Variants in CTNNA2 observed in about 807,000 individuals in gnomAD.
CTNNA2 encodes the protein catenin alpha 2.
In CTNNA2, 42 loss-of-function variants were observed where a neutral mutation model predicts 101.0. The ratio of observed to expected loss-of-function variants is 0.42; its 90% CI spans 0.32 to 0.54. CTNNA2 has a LOEUF of 0.54. Among genes scored for constraint, CTNNA2 ranks in the 20% least tolerant of loss-of-function variants. The pLI is 0.14. For missense variants in CTNNA2, 871 were observed against 1,223.1 expected (o/e 0.71, Z 4.29); for synonymous variants, 450 against 456.4 (o/e 0.99, Z 0.18).
chr2:79,341,966 C>A (rs1677148312), intron 3 of CTNNA2, among the ~76,000 whole-genome samples: 1 of 152,172 alleles, frequency 6.6e-6, no homozygotes, highest in South Asian at 2.1e-4. Context: ...AGATAAGGTA[C>A]AATCTCAGAC....
chr2:80,517,349 G>A (rs1286014924), intron 9 of CTNNA2, among the ~76,000 whole-genome samples: 2 of 152,202 alleles, frequency 1.3e-5, no homozygotes, highest in Admixed American at 6.5e-5. Context: ...ACCACGGATG[G>A]ATTTGCTCAG....
chr2:80,433,513 G>A (rs766800702), intron 9 of CTNNA2, among the ~76,000 whole-genome samples: 1 of 151,960 alleles, frequency 6.6e-6, no homozygotes, highest in Non-Finnish European at 1.5e-5. Context: ...GGCTGTCGCC[G>A]CAGGGTCAAA....
chr2:80,125,930 G>A lies in CTNNA2; in HGVS notation c.1056+216133G>A, dbSNP rs538096946. Among the ~76,000 whole-genome samples, 196 of 152,252 alleles carry A rather than the reference G, an allele frequency of 1.3e-3. 1 individual carries two copies. Among genetic ancestry groups the A allele is most frequent in the Non-Finnish European group, 2.0e-3 (133 of 68,022 alleles). ...TACTTTTCTGCAGAATGGGAATACCGAAGCACCTGGTTCACTTTTGTAAAG... is the reference window on the plus strand; with the variant it reads ...TACTTTTCTGCAGAATGGGAATACCAAAGCACCTGGTTCACTTTTGTAAAG... On this transcript the variant is annotated intron_variant, in intron 7 of 18. Coordinates refer to ENST00000402739, the MANE Select transcript of CTNNA2 (RefSeq NM_001282597.3).
At chr2:79,724,270 A>G (rs1377746443) in intron 2 of CTNNA2, among the ~76,000 whole-genome samples, 2 of 151,334 alleles carry the variant, frequency 1.3e-5, no homozygotes, top group Non-Finnish European at 1.5e-5. Flanking sequence ...CACCTTTGGG[A>G]AAAAAACAAT....
At chr2:79,579,238 C>G (rs896896194) in intron 1 of CTNNA2, among the ~76,000 whole-genome samples, 1 of 147,484 alleles carries the variant, frequency 6.8e-6, no homozygotes. Context: ...CTTCCCTTCC[C>G]TTCCTTCCCT....
chr2:80,335,867 G>A (rs1194600026), intron 7 of CTNNA2, among the ~76,000 whole-genome samples: 2 of 152,010 alleles, frequency 1.3e-5, no homozygotes, highest in African/African-American at 2.4e-5. Context: ...TTCTTATTTT[G>A]TAGCTGGGGA....
intron 7 of CTNNA2, among the ~76,000 whole-genome samples, chr2:80,297,396 G>A (rs1368383819): frequency 6.6e-6 from 1 of 152,158 alleles, no homozygotes; most frequent in Non-Finnish European, 1.5e-5. Context: ...GTGAAGATAA[G>A]GTTGCTAGCA....
chr2:79,614,071 C>T (rs1030814991), intron 1 of CTNNA2, among the ~76,000 whole-genome samples: 3 of 152,112 alleles, frequency 2.0e-5, no homozygotes, highest in Non-Finnish European at 2.9e-5. Context: ...TTTGGTGTGA[C>T]GTAGCTCTAG....
intron 4 of CTNNA2, among the ~76,000 whole-genome samples, chr2:79,467,434 C>G (rs188813684): frequency 6.6e-6 from 1 of 152,294 alleles, no homozygotes; most frequent in African/African-American, 2.4e-5. Flanking sequence ...GAGAATGGAA[C>G]CAAGTTAGAA....
rs564889813 is a variant in CTNNA2 at position 80,501,308 on chromosome 2, G to A, written c.1291-43674G>A. Among the ~76,000 whole-genome samples the A allele has an allele frequency of 2.2e-4, 33 of 152,272 alleles. No individual in the cohort carries two copies. In the South Asian group the frequency reaches 6.6e-3, roughly 31 times the overall value. On this transcript the variant is annotated intron_variant, in intron 9 of 18. Coordinates refer to ENST00000402739, the MANE Select transcript of CTNNA2 (RefSeq NM_001282597.3). Reference sequence around the variant, plus strand: ...CCTGCACAATCAAAAATATATCACCGTAACTCTTTTCTTCTGAAAGATAGA... The same window carrying A: ...CCTGCACAATCAAAAATATATCACCATAACTCTTTTCTTCTGAAAGATAGA...
chr2:80,558,768 A>C (rs1410845343), intron 12 of CTNNA2, among the ~76,000 whole-genome samples: 2 of 152,120 alleles, frequency 1.3e-5, no homozygotes, highest in African/African-American at 4.8e-5. Flanking sequence ...AGGAAAGATG[A>C]GGAGAAAGAA....
intron 7 of CTNNA2, among the ~76,000 whole-genome samples, chr2:80,163,385 G>T (rs531670671): frequency 6.6e-6 from 1 of 152,186 alleles, no homozygotes; most frequent in African/African-American, 2.4e-5. Context: ...GAAGTGTGTT[G>T]TTTAGTTTTC....
At chr2:79,748,912 G>A (rs927292411) in intron 3 of CTNNA2, among the ~76,000 whole-genome samples, 2 of 152,084 alleles carry the variant, frequency 1.3e-5, no homozygotes, top group African/African-American at 2.4e-5. Context: ...TGATGGGGAT[G>A]ACGCCAGGAT....
chr2:79,284,650 G>A (rs1253788486), intron 2 of CTNNA2, among the ~76,000 whole-genome samples: 1 of 149,814 alleles, frequency 6.7e-6, no homozygotes, highest in Admixed American at 6.6e-5. Flanking sequence ...TGTGCTGCTG[G>A]ATTCATTTTG....
rs1445375088 is a variant in CTNNA2, at chr2:79,409,895, A to G, written c.-135+35882A>G. ...GAATCTATATATTACCTTGGGCAGT[A>G]TGGCCATTGTCACAATATTGATTCT... On this transcript the variant is annotated intron_variant, in intron 4 of 21. Transcript: ENST00000466387. Among the ~76,000 whole-genome samples, 3 of 152,160 alleles carry G rather than the reference A, an allele frequency of 2.0e-5. No homozygotes were observed. The East Asian group carries it at 5.8e-4, about 29-fold the overall frequency.
chr2:79,331,354 A>G (rs1676868534), intron 3 of CTNNA2, among the ~76,000 whole-genome samples: 1 of 152,204 alleles, frequency 6.6e-6, no homozygotes, highest in South Asian at 2.1e-4. Flanking sequence ...TGAATGAGAC[A>G]GAAAGGTCAA....
At chr2:79,799,562 C>T (rs770882399) in intron 3 of CTNNA2, among the ~76,000 whole-genome samples, 2 of 152,150 alleles carry the variant, frequency 1.3e-5, no homozygotes, top group African/African-American at 4.8e-5. Context: ...CACGATTTTA[C>T]TGTACATAAC....
At chr2:79,944,552 A>AG (rs2104468030) in intron 7 of CTNNA2, among the ~76,000 whole-genome samples, 1 of 152,326 alleles carries the variant, frequency 6.6e-6, no homozygotes, top group South Asian at 2.1e-4. Context: ...GGGGCATGGT[A>AG]CAGAAATCAG....
At chr2:79,267,655 A>C (rs969309734) in intron 2 of CTNNA2, among the ~76,000 whole-genome samples, 1 of 152,164 alleles carries the variant, frequency 6.6e-6, no homozygotes, top group Non-Finnish European at 1.5e-5. Context: ...TGGGAAATAC[A>C]CTATCACCCA....
Sources: gnomAD v4.1 joint callset for allele counts (sites outside exome capture counted in the v4.1 genomes callset) on GRCh38, gnomAD v4.1.1 for gene constraint, MANE v1.5 for transcripts, NCBI Gene and HGNC (gene_info 2026-07-23, HGNC 2026-07-21) for gene names.